TIAM2: variants seen among roughly 807,000 people sequenced by gnomAD.
The protein encoded by TIAM2 is TIAM Rac1 associated GEF 2, also known as rho guanine nucleotide exchange factor TIAM2.
Under a neutral mutation model 152.9 loss-of-function variants are expected in TIAM2, and 80 were observed. The observed-to-expected ratio is 0.52, with a 90% CI of 0.44 to 0.63. The LOEUF is 0.63. Among genes scored for constraint, TIAM2 ranks in the 30% least tolerant of loss-of-function variants. TIAM2 has a pLI of 0.00. For synonymous variants in TIAM2, 804 were observed against 838.0 expected (o/e 0.96, Z 0.70); for missense variants, 1,965 against 2,120.1 (o/e 0.93, Z 1.44).
At chr6:155,099,255 TG>T (rs1314986647) in intron 2 of TIAM2, among the ~76,000 whole-genome samples, 2 of 140,540 alleles carry the variant, frequency 1.4e-5, no homozygotes, top group African/African-American at 5.5e-5. Flanking sequence ...TGTGTGTGTG[TG>T]TGTGTAATAA....
At position 155,155,209 on chromosome 6, in the gene TIAM2, C is replaced by T. The variant is rs201938285; in HGVS notation, c.2028+6875C>T. Among the ~76,000 whole-genome samples the T allele has an allele frequency of 2.6e-5, 4 of 151,496 alleles. No individual in the cohort carries two copies. The East Asian group carries it at 7.7e-4, about 29-fold the overall frequency. ...TTTTATTTTTTAAGGCAGAGTCTTG[C>T]TGTGTTGCCCAGGCTGGAGTGCAGT... is the stretch of plus-strand genomic sequence containing the variant. On this transcript the variant is annotated intron_variant, in intron 7 of 26. Transcript: ENST00000682666.
chr6:154,996,621 T>C (rs1390837405), intron 1 of TIAM2, among the ~76,000 whole-genome samples: 1 of 152,244 alleles, frequency 6.6e-6, no homozygotes, highest in East Asian at 1.9e-4. Context: ...CCAAGTTTCG[T>C]ACAGGTGCGG....
chr6:155,219,943 G>C (rs957297450), intron 15 of TIAM2, among the ~76,000 whole-genome samples: 2 of 152,272 alleles, frequency 1.3e-5, no homozygotes, highest in Non-Finnish European at 2.9e-5. Flanking sequence ...TGCCTGGAAG[G>C]CCCTTTGGCA....
At chr6:155,165,166 A>T (rs949229556) in intron 8 of TIAM2, 97 bp from the exon 9 acceptor site, 1 of 1,323,790 alleles carries the variant, frequency 7.6e-7, no homozygotes, top group African/African-American at 1.5e-5. Flanking sequence ...GGCGATAGTC[A>T]GAATGCATTT....
intron 26 of TIAM2, 83 bp downstream of exon 26, chr6:155,254,656 T>C (rs1783888542): frequency 6.6e-7 from 1 of 1,525,434 alleles, no homozygotes; most frequent in Non-Finnish European, 8.9e-7. Context: ...AACATAGCTG[T>C]GACTTTTCAC....
At chr6:155,246,448 C>T (rs1783337229) in intron 19 of TIAM2, among the ~76,000 whole-genome samples, 2 of 152,168 alleles carry the variant, frequency 1.3e-5, no homozygotes, top group Non-Finnish European at 2.9e-5. Context: ...ACTCTGTTGC[C>T]ATTTCCTCCC....
chr6:155,077,388 C>T (rs1777984234), intron 1 of TIAM2, among the ~76,000 whole-genome samples: 2 of 152,114 alleles, frequency 1.3e-5, no homozygotes, highest in South Asian at 4.1e-4. Context: ...TATTGAAGCA[C>T]AGCAATCTCC....
chr6:155,046,032 TGA>T (rs1777167357), intron 1 of TIAM2, among the ~76,000 whole-genome samples: 1 of 151,796 alleles, frequency 6.6e-6, no homozygotes, highest in African/African-American at 2.4e-5. Flanking sequence ...CATCACCCTG[TGA>T]CTGCCCCACT....
At chr6:155,068,758 C>T (rs900408817) in intron 1 of TIAM2, among the ~76,000 whole-genome samples, 8 of 152,110 alleles carry the variant, frequency 5.3e-5, no homozygotes, top group Admixed American at 5.2e-4. Context: ...TTTTACTTTT[C>T]GTGCTGCGAT....
chr6:155,065,992 C>T (rs1463371989), intron 1 of TIAM2, among the ~76,000 whole-genome samples: 1 of 152,146 alleles, frequency 6.6e-6, no homozygotes, highest in Non-Finnish European at 1.5e-5. Flanking sequence ...GTATTTGATG[C>T]ATACCTGAAG....
chr6:155,011,035 ACT>A (rs1778479748), intron 1 of TIAM2, among the ~76,000 whole-genome samples: 1 of 135,828 alleles, frequency 7.4e-6, no homozygotes, highest in African/African-American at 2.5e-5. Context: ...CAAGAGTGAA[ACT>A]CTGTCTCAAA....
At chr6:155,190,133 A>G (rs1338155619) in intron 14 of TIAM2, among the ~76,000 whole-genome samples, 1 of 152,188 alleles carries the variant, frequency 6.6e-6, no homozygotes, top group African/African-American at 2.4e-5. Flanking sequence ...TTGTATTACT[A>G]CTTCCCCCTG....
intron 7 of TIAM2, among the ~76,000 whole-genome samples, chr6:155,153,448 GA>G (rs111586602): frequency 6.9e-6 from 1 of 144,662 alleles, no homozygotes. Context: ...TTCTGAAAAA[GA>G]AAAAAAAAAG....
At chr6:155,189,686 C>G (rs1353192781) in intron 14 of TIAM2, among the ~76,000 whole-genome samples, 2 of 151,860 alleles carry the variant, frequency 1.3e-5, no homozygotes, top group African/African-American at 4.8e-5. Flanking sequence ...TCAAGAAGCT[C>G]ATAGTTGAAT....
At chr6:155,044,349 G>A (rs1777113474) in intron 1 of TIAM2, among the ~76,000 whole-genome samples, 1 of 152,204 alleles carries the variant, frequency 6.6e-6, no homozygotes. Context: ...GGACCATACT[G>A]CAGAGTCCTT....
At chr6:154,999,285 A>T (rs1355192305) in intron 1 of TIAM2, among the ~76,000 whole-genome samples, 2 of 151,944 alleles carry the variant, frequency 1.3e-5, no homozygotes, top group Non-Finnish European at 2.9e-5. Flanking sequence ...ATCTCAGCTC[A>T]CTGCAACCTC....
At chr6:155,009,203 G>C (rs764797166) in intron 1 of TIAM2, among the ~76,000 whole-genome samples, 2 of 150,480 alleles carry the variant, frequency 1.3e-5, no homozygotes, top group Non-Finnish European at 2.9e-5. Context: ...CAGGGTTCGG[G>C]CGATTCTTGC....
chr6:155,165,775 G>A (rs1238798527), intron 9 of TIAM2, among the ~76,000 whole-genome samples: 1 of 152,164 alleles, frequency 6.6e-6, no homozygotes, highest in East Asian at 1.9e-4. Context: ...GTGACAGAGC[G>A]AGACCCCGTC....
chr6:155,172,650 A>T (rs1780614612), intron 9 of TIAM2, among the ~76,000 whole-genome samples: 1 of 14,018 alleles, frequency 7.1e-5, no homozygotes, highest in South Asian at 3.9e-3. Flanking sequence ...AAATATATAT[A>T]TATATATATA....
Sources: gnomAD v4.1 joint callset for allele counts (sites outside exome capture counted in the v4.1 genomes callset) on GRCh38, gnomAD v4.1.1 for gene constraint, MANE v1.5 for transcripts, NCBI Gene and HGNC (gene_info 2026-07-23, HGNC 2026-07-21) for gene names.